The following KCNH5 variants were observed in gnomAD, a reference collection of about 807,000 sequenced individuals.
The protein encoded by KCNH5 is voltage-gated delayed rectifier potassium channel KCNH5.
Under a neutral mutation model 96.1 loss-of-function variants are expected in KCNH5, and 46 were observed. The ratio of observed to expected loss-of-function variants is 0.48; its 90% CI spans 0.38 to 0.61. KCNH5 has a LOEUF of 0.61. KCNH5 is among the 20% of genes least tolerant of loss of function. The pLI is 0.00. For synonymous variants in KCNH5, 439 were observed against 449.8 expected, an observed-to-expected ratio of 0.98 and a Z score of 0.30; for missense variants, 907 against 1,225.8, an observed-to-expected ratio of 0.74 and a Z score of 3.88.
At chr14:62,978,088 A>G (rs111978566) in intron 6 of KCNH5, among the ~76,000 whole-genome samples, 40 of 152,350 alleles carry the variant, frequency 2.6e-4, no homozygotes, top group African/African-American at 9.4e-4. Context: ...AAAAGGCAGC[A>G]GCCTTCAGTT....
intron 10 of KCNH5, among the ~76,000 whole-genome samples, chr14:62,719,975 A>C (rs541000972): frequency 3.8e-4 from 58 of 152,366 alleles, no homozygotes; most frequent in African/African-American, 1.4e-3. Context: ...ATCTGTAAAC[A>C]AAGCAAAAAT....
At chr14:62,717,315 C>A (rs890843995) in intron 10 of KCNH5, among the ~76,000 whole-genome samples, 2 of 151,976 alleles carry the variant, frequency 1.3e-5, no homozygotes, top group East Asian at 3.8e-4. Flanking sequence ...ATGCAAGGGA[C>A]CCAGAATAGT....
At position 62,980,586 on chromosome 14, in the gene KCNH5, T is replaced by C. The variant is rs555018167; in HGVS notation, c.942+286A>G. ...ATCTTCTTTCAATCAATTATGTAGT[T>C]TGTGAACTGTAGTTGACTTCAAATG... On this transcript the variant is annotated intron_variant, in intron 6 of 10. Coordinates refer to ENST00000322893, the MANE Select transcript of KCNH5 (RefSeq NM_139318.5). 3.9e-5 allele frequency among the ~76,000 whole-genome samples: 6 copies of C among 152,334 alleles called. No individual in the cohort carries two copies. The East Asian group carries it at 1.2e-3, about 29-fold the overall frequency.
intron 7 of KCNH5, among the ~76,000 whole-genome samples, chr14:62,920,230 G>T (rs961664535): frequency 6.6e-6 from 1 of 151,998 alleles, no homozygotes; most frequent in African/African-American, 2.4e-5. Context: ...GGAAAAGAAG[G>T]CAGGTCATGG....
intron 10 of KCNH5, among the ~76,000 whole-genome samples, chr14:62,766,093 C>A (rs1885853625): frequency 6.6e-6 from 1 of 152,018 alleles, no homozygotes; most frequent in Non-Finnish European, 1.5e-5. Context: ...TGAAAATGTG[C>A]TCAACATCAC....
chr14:62,758,531 A>G (rs1022593882), intron 10 of KCNH5, among the ~76,000 whole-genome samples: 10 of 152,178 alleles, frequency 6.6e-5, no homozygotes, highest in African/African-American at 2.4e-4. Context: ...CTTACTTCCC[A>G]TGGGTATCAA....
In KCNH5 at chr14:62,699,849, C is replaced by T. The variant is rs181255993; in HGVS notation, c.*7659G>A. 1 of 152,242 alleles carries T rather than the reference C, an allele frequency of 6.6e-6. No individual in the cohort carries two copies. The allele number at this position is 152,242 out of a possible 1,614,324, so 9.4% of individuals were successfully genotyped here. ...TCTTTGTTTAAGTAGAAAAAAGGATCTGCTTAGCATGAATCAGATTTTGAA... is the reference window on the plus strand; with the variant it reads ...TCTTTGTTTAAGTAGAAAAAAGGATTTGCTTAGCATGAATCAGATTTTGAA... On this transcript the variant is annotated 3_prime_UTR_variant, in exon 11 of 11. Coordinates refer to ENST00000322893, the MANE Select transcript of KCNH5 (RefSeq NM_139318.5).
In KCNH5 at chr14:62,840,743, T is replaced by C. The variant is rs183313008; in HGVS notation, c.1569+8910A>G. Among the ~76,000 whole-genome samples the C allele has an allele frequency of 4.0e-3, 604 of 151,934 alleles. 4 individuals carry two copies. The highest frequency in any genetic ancestry group is 7.1e-3 in the Non-Finnish European group (481 of 67,936). ...CGCCACCACATCCAGCTAATTTTTGTATTTTTAGTAGAGACAGGGTTTCAC... is the reference window on the plus strand; with the variant it reads ...CGCCACCACATCCAGCTAATTTTTGCATTTTTAGTAGAGACAGGGTTTCAC... On this transcript the variant is annotated intron_variant, in intron 8 of 10. Transcript: ENST00000322893.
chr14:62,726,346 A>T (rs1884925095), intron 10 of KCNH5, among the ~76,000 whole-genome samples: 1 of 152,188 alleles, frequency 6.6e-6, no homozygotes, highest in South Asian at 2.1e-4. Context: ...AGACACCAAG[A>T]GGATAATCAA....
intron 5 of KCNH5, among the ~76,000 whole-genome samples, chr14:62,984,681 C>G (rs946506932): frequency 2.0e-5 from 3 of 151,296 alleles, no homozygotes; most frequent in Non-Finnish European, 2.9e-5. Flanking sequence ...TAAGATCTGA[C>G]AGAAAGCAGT....
At position 62,730,653 on chromosome 14, in the gene KCNH5, C is replaced by T. The variant is rs979849782; in HGVS notation, c.2020-22198G>A. On this transcript the variant is annotated intron_variant, in intron 10 of 10. Coordinates refer to ENST00000322893, the MANE Select transcript of KCNH5 (RefSeq NM_139318.5). ...AACCTCTTTCCTCATCTATCAAGAA[C>T]AACAACAGGGGAGTGTTTATTTGTT... Among the ~76,000 whole-genome samples, 22 of 152,262 alleles carry T rather than the reference C, an allele frequency of 1.4e-4. No homozygotes were observed. The East Asian group carries it at 4.1e-3, about 28-fold the overall frequency.
chr14:63,016,745 G>A lies in KCNH5; in HGVS notation c.197+86C>T, dbSNP rs542405108. 110 of 1,307,868 alleles carry A rather than the reference G, an allele frequency of 8.4e-5. No individual in the cohort carries two copies. The African/African-American group carries it at 1.5e-3, about 18-fold the overall frequency. 81.0% of individuals were successfully genotyped at this position (1,307,868 alleles called of 1,614,324 possible). A position where few individuals can be genotyped will look rare whatever the true frequency, so the allele number is the denominator to read the frequency against. On this transcript the variant is annotated intron_variant, in intron 2 of 10. Transcript: ENST00000322893. ...TTTTTAACTCTATGGTTTGTATATG[G>A]GAGTCCAAGTAAGCTTAAGCCTTTT...
In KCNH5 at chr14:62,707,919, A is replaced by C. The variant is rs907685131; in HGVS notation, c.2556T>G (p.Ser852Arg). ...EDPKSSDSEN[S>R]VTKNPLRKTD... ...TTTTTCTTAGTGGGTTTTTGGTCAC[A>C]CTGTTCTCTGAATCACTGCTCTTGG... Residue 852 changes from serine (S) to arginine (R), a missense_variant, in exon 11 of 11, where the codon AGT becomes AGG. Around this residue, in one of 6 missense-constraint regions of KCNH5, gnomAD observed 362 missense variants for 394.4 expected, o/e 0.92. Transcript: ENST00000322893. 1.2e-6 allele frequency: 2 copies of C among 1,614,030 alleles called. No homozygotes were observed. Among genetic ancestry groups the C allele is most frequent in the African/African-American group, 2.7e-5 (2 of 74,906 alleles).
intron 7 of KCNH5, among the ~76,000 whole-genome samples, chr14:62,869,942 T>A (rs1477094640): frequency 1.3e-5 from 2 of 152,108 alleles, no homozygotes; most frequent in African/African-American, 4.8e-5. Context: ...ATACAAAAAT[T>A]AACTCAAGAT....
chr14:62,863,506 T>A (rs4902191), intron 7 of KCNH5, among the ~76,000 whole-genome samples: 16,272 of 152,176 alleles, frequency 0.11, 1,133 homozygotes, highest in East Asian at 0.27. Context: ...AACCTGGCAG[T>A]TTATGAAAAA....
intron 7 of KCNH5, among the ~76,000 whole-genome samples, chr14:62,865,426 T>C (rs768016992): frequency 2.3e-4 from 35 of 151,594 alleles, no homozygotes; most frequent in Non-Finnish European, 3.8e-4. Context: ...AGCTACCAGA[T>C]TGGTCGCCAT....
intron 8 of KCNH5, among the ~76,000 whole-genome samples, chr14:62,803,278 T>A (rs950685327): frequency 2.9e-4 from 44 of 152,150 alleles, no homozygotes; most frequent in Admixed American, 2.8e-3. Flanking sequence ...GTTTCAGAAT[T>A]TTTTTTATAA....
chr14:62,799,180 G>T (rs2065632), intron 9 of KCNH5, among the ~76,000 whole-genome samples: 88,961 of 151,948 alleles, frequency 0.59, 26,410 homozygotes, highest in South Asian at 0.82. Context: ...AAATGTTATA[G>T]AGCATAAACC....
At chr14:62,777,967 G>A (rs1006830596) in intron 10 of KCNH5, among the ~76,000 whole-genome samples, 1 of 152,016 alleles carries the variant, frequency 6.6e-6, no homozygotes. Context: ...GTGTCACTTG[G>A]TTGTTTGATA....
Sources: allele counts gnomAD v4.1 joint callset (sites outside exome capture counted in the v4.1 genomes callset), GRCh38; gene constraint gnomAD v4.1.1; regional missense constraint gnomAD v4.1.1; transcripts MANE v1.5; gene names NCBI Gene and HGNC (gene_info 2026-07-23, HGNC 2026-07-21).